SPAG9: variants seen among roughly 807,000 people sequenced by gnomAD.
The protein encoded by SPAG9 is sperm associated antigen 9, also known as C-Jun-amino-terminal kinase-interacting protein 4.
Under a neutral mutation model 166.5 loss-of-function variants are expected in SPAG9, and 35 were observed. The ratio of observed to expected loss-of-function variants is 0.21; its 90% CI spans 0.16 to 0.28. The LOEUF is 0.28. SPAG9 is among the 10% of genes least tolerant of loss of function. SPAG9 has a pLI of 1.00. For missense variants in SPAG9, 1,235 were observed against 1,603.3 expected (o/e 0.77, Z 3.92); for synonymous variants, 534 against 565.5 (o/e 0.94, Z 0.79).
At chr17:51,015,277 A>C (rs1278824264) in intron 8 of SPAG9, among the ~76,000 whole-genome samples, 1 of 152,138 alleles carries the variant, frequency 6.6e-6, no homozygotes, top group Non-Finnish European at 1.5e-5. Context: ...TAGGACTTGA[A>C]GGTACCAGCA....
chr17:51,026,674 C>CTTTTTT (rs35339612), intron 6 of SPAG9, among the ~76,000 whole-genome samples: 28 of 124,198 alleles, frequency 2.3e-4, no homozygotes, highest in Non-Finnish European at 3.2e-4. Flanking sequence ...TTTTTCTTTT[C>CTTTTTT]TTTTTTTTTT....
At chr17:51,026,677 T>TC (rs1367124589) in intron 6 of SPAG9, among the ~76,000 whole-genome samples, 1 of 131,220 alleles carries the variant, frequency 7.6e-6, no homozygotes, top group Non-Finnish European at 1.5e-5. Context: ...TTCTTTTCTT[T>TC]TTTTTTTTTT....
At chr17:50,990,774 A>T in intron 19 of SPAG9, 106 bp from the exon 20 acceptor site, 1 of 806,674 alleles carries the variant, frequency 1.2e-6, no homozygotes, top group Non-Finnish European at 2.0e-6. Context: ...GGTGAGATGT[A>T]CAGGTAGTTG....
chr17:50,994,842 T>C (rs1374608847), intron 18 of SPAG9, among the ~76,000 whole-genome samples: 1 of 152,338 alleles, frequency 6.6e-6, no homozygotes, highest in East Asian at 1.9e-4. Context: ...TGTACACATG[T>C]GTCAAAACTC....
intron 3 of SPAG9, among the ~76,000 whole-genome samples, chr17:51,054,804 G>A (rs2047316153): frequency 6.6e-6 from 1 of 152,068 alleles, no homozygotes; most frequent in Admixed American, 6.6e-5. Context: ...TGAGCTCTAT[G>A]GTTCAAGCCC....
chr17:51,006,790 C>A (rs1333092961), intron 10 of SPAG9, among the ~76,000 whole-genome samples: 1 of 152,144 alleles, frequency 6.6e-6, no homozygotes, highest in Non-Finnish European at 1.5e-5. Context: ...GGGGATCTGT[C>A]CCATTAAATG....
intron 1 of SPAG9, among the ~76,000 whole-genome samples, chr17:51,113,448 G>A (rs879335044): frequency 1.3e-5 from 2 of 151,874 alleles, no homozygotes; most frequent in African/African-American, 2.4e-5. Context: ...GGGAGGCCAA[G>A]GCAGGTGGAT....
In SPAG9 at chr17:51,082,377, C is replaced by CAAA. The variant is rs773287286; in HGVS notation, c.304-2676_304-2674dup. On this transcript the variant is annotated intron_variant, in intron 1 of 29. Transcript: ENST00000262013. The stretch of plus-strand genomic sequence containing the variant: ...CCTGGGCAACAGAGCAAGACTGTCT[C>CAAA]AAAAAAAAAAAAAAAAAAAAAAAAA... Among the ~76,000 whole-genome samples the CAAA allele has an allele frequency of 1.4e-3, 69 of 48,956 alleles. 3 individuals are homozygous for CAAA. The highest frequency in any genetic ancestry group is 4.5e-3 in the African/African-American group (60 of 13,464). The allele number at this position is 48,956 out of a possible 152,430, so 32.1% of individuals were successfully genotyped here. A position where few individuals can be genotyped will look rare whatever the true frequency, so the allele number is the denominator to read the frequency against.
intron 23 of SPAG9, among the ~76,000 whole-genome samples, chr17:50,985,226 C>T (rs1188215483): frequency 6.6e-6 from 1 of 152,194 alleles, no homozygotes; most frequent in Non-Finnish European, 1.5e-5. Context: ...CTTTCTGGCC[C>T]AAGGTTCTCC....
chr17:51,113,583 G>A (rs1206896898), intron 1 of SPAG9, among the ~76,000 whole-genome samples: 1 of 151,588 alleles, frequency 6.6e-6, no homozygotes, highest in African/African-American at 2.4e-5. Flanking sequence ...AGGAGGATGA[G>A]GCAGGAGAAC....
rs140764746 is a variant in SPAG9 at position 51,115,601 on chromosome 17, C to T, written c.303+4753G>A. Among the ~76,000 whole-genome samples, 107 of 152,006 alleles carry T rather than the reference C, an allele frequency of 7.0e-4. 1 individual carries two copies. The East Asian group carries it at 0.016, about 22-fold the overall frequency. On this transcript the variant is annotated intron_variant, in intron 1 of 29. Transcript: ENST00000262013. Reference sequence around the variant, plus strand: ...ATCCCAGCACTTTAGGAGGCCAAGGCGGGCGGATCACCTGAGGTCAGGAGT... The same window carrying T: ...ATCCCAGCACTTTAGGAGGCCAAGGTGGGCGGATCACCTGAGGTCAGGAGT...
chr17:50,984,080 T>A (rs1305153607), intron 24 of SPAG9, among the ~76,000 whole-genome samples: 1 of 152,174 alleles, frequency 6.6e-6, no homozygotes, highest in East Asian at 1.9e-4. Flanking sequence ...AAATGATGTA[T>A]CATTTTTGGT....
intron 6 of SPAG9, among the ~76,000 whole-genome samples, chr17:51,022,110 T>TC (rs1451533749): frequency 1.6e-5 from 2 of 124,226 alleles, no homozygotes; most frequent in East Asian, 4.7e-4. Context: ...GCAACGGAGC[T>TC]AGACTCCATC....
intron 2 of SPAG9, among the ~76,000 whole-genome samples, chr17:51,079,055 C>G (rs374264771): frequency 3.9e-5 from 6 of 151,968 alleles, no homozygotes; most frequent in African/African-American, 1.4e-4. Flanking sequence ...TGAGTCTGAT[C>G]GATATATCTG....
rs536975370 is a variant in SPAG9, at chr17:51,018,251, G to C, written c.1091+1908C>G. On this transcript the variant is annotated intron_variant, in intron 8 of 29. Transcript: ENST00000262013. ...CCAGCTACTTGGGAGGCTGAGGTGA[G>C]AGAATCGCTTGAACCCGGGGGAGGG... Among the ~76,000 whole-genome samples, 372 of 138,504 alleles carry C rather than the reference G, an allele frequency of 2.7e-3. 2 individuals carry two copies. The highest frequency in any genetic ancestry group is 9.4e-3 in the African/African-American group (353 of 37,718). The allele number at this position is 138,504 out of a possible 152,430, so 90.9% of individuals were successfully genotyped here.
intron 3 of SPAG9, among the ~76,000 whole-genome samples, chr17:51,053,775 C>T (rs1215078759): frequency 1.4e-5 from 2 of 140,068 alleles, no homozygotes; most frequent in Non-Finnish European, 3.1e-5. Context: ...GAGGTTGAGG[C>T]TGCAGTGCGC....
intron 27 of SPAG9, chr17:50,975,954 G>A: frequency 1.5e-6 from 2 of 1,358,698 alleles, no homozygotes; most frequent in Non-Finnish European, 2.0e-6. Flanking sequence ...ACAGGGAGGA[G>A]AGAATTACTG....
At position 51,012,969 on chromosome 17, in the gene SPAG9, G is replaced by A. The variant is rs567726238; in HGVS notation, c.1213+1263C>T. The stretch of plus-strand genomic sequence containing the variant: ...TGGTCTCGAACTCCTGAGCTCAAGC[G>A]ATCCACTTGCCTTGGCCTCCCAAAG... On this transcript the variant is annotated intron_variant, in intron 9 of 29. Transcript: ENST00000262013. 2.2e-4 allele frequency among the ~76,000 whole-genome samples: 33 copies of A among 152,132 alleles called. 1 individual carries two copies. In the South Asian group the frequency reaches 5.8e-3, roughly 27 times the overall value.
At chr17:51,095,296 T>TAA (rs71149343) in intron 1 of SPAG9, among the ~76,000 whole-genome samples, 29 of 83,518 alleles carry the variant, frequency 3.5e-4, no homozygotes, top group African/African-American at 1.0e-3. Context: ...ACTCCATCTT[T>TAA]AAAAAAAAAA....
Sources: allele counts gnomAD v4.1 joint callset (sites outside exome capture counted in the v4.1 genomes callset), GRCh38; gene constraint gnomAD v4.1.1; transcripts MANE v1.5; gene names NCBI Gene and HGNC (gene_info 2026-07-23, HGNC 2026-07-21).